The following TTC23 variants were observed in gnomAD, a reference collection of about 807,000 sequenced individuals.
TTC23 encodes tetratricopeptide repeat domain 23, also known as tetratricopeptide repeat protein 23.
Under a neutral mutation model 55.1 loss-of-function variants are expected in TTC23, and 58 were observed. The ratio of observed to expected loss-of-function variants is 1.05; its 90% CI spans 0.85 to 1.31. The LOEUF (loss-of-function observed/expected upper bound fraction) is 1.31, where lower values mean the gene tolerates loss of function less well. TTC23 is among the 50% of genes most tolerant of loss of function. TTC23 has a pLI of 0.00. For missense variants in TTC23, 516 were observed against 534.4 expected (o/e 0.97, Z 0.34); for synonymous variants, 203 against 199.9 (o/e 1.02, Z -0.13).
At chr15:99,169,247 G>C (rs2072580108) in intron 10 of TTC23, among the ~76,000 whole-genome samples, 1 of 152,172 alleles carries the variant, frequency 6.6e-6, no homozygotes, top group African/African-American at 2.4e-5. Flanking sequence ...GCCCTGAGAA[G>C]GGACAGAGGA....
At chr15:99,232,414 G>T (rs1349959259) in intron 4 of TTC23, among the ~76,000 whole-genome samples, 1 of 151,492 alleles carries the variant, frequency 6.6e-6, no homozygotes. Context: ...GGGAGGCGGA[G>T]GTTGCAGTGA....
intron 9 of TTC23, among the ~76,000 whole-genome samples, chr15:99,182,010 T>C (rs2074167941): frequency 6.6e-6 from 1 of 152,026 alleles, no homozygotes; most frequent in African/African-American, 2.4e-5. Context: ...TTATATTTTC[T>C]TCGTTTGGTT....
At position 99,146,967 on chromosome 15, in the gene TTC23, T is replaced by C. The variant is rs540607690; in HGVS notation, c.1144-7568A>G. Among the ~76,000 whole-genome samples, 12 of 152,154 alleles carry C rather than the reference T, an allele frequency of 7.9e-5. No homozygotes were observed. In the East Asian group the frequency reaches 2.3e-3, roughly 29 times the overall value. ...TCTCGCTCTGTTTCCCAGGCTGGAGTGCAGCGGTGTGGTCACGGCTCACTG... is the reference window on the plus strand; with the variant it reads ...TCTCGCTCTGTTTCCCAGGCTGGAGCGCAGCGGTGTGGTCACGGCTCACTG... On this transcript the variant is annotated intron_variant, in intron 12 of 13. Coordinates refer to ENST00000394132, the MANE Select transcript of TTC23 (RefSeq NM_001288615.3).
At chr15:99,161,147 CCTAT>C (rs1417382000) in intron 11 of TTC23, 1 of 147,652 alleles carries the variant, frequency 6.8e-6, no homozygotes, top group South Asian at 2.1e-4. Flanking sequence ...TATAATTGTT[CCTAT>C]CTGTGGGCGA....
intron 2 of TTC23, among the ~76,000 whole-genome samples, chr15:99,243,820 T>G (rs2080009692): frequency 6.6e-6 from 1 of 152,056 alleles, no homozygotes; most frequent in African/African-American, 2.4e-5. Flanking sequence ...TACCAGAAGC[T>G]GGGAAGGGTA....
intron 4 of TTC23, among the ~76,000 whole-genome samples, chr15:99,231,784 G>A (rs189128887): frequency 1.1e-3 from 163 of 151,840 alleles, no homozygotes; most frequent in Middle Eastern, 3.4e-3. Flanking sequence ...TAGCCACTGC[G>A]CCTGGCCTGT....
chr15:99,234,120 A>C (rs577950165), intron 4 of TTC23, among the ~76,000 whole-genome samples: 2 of 152,344 alleles, frequency 1.3e-5, no homozygotes, highest in South Asian at 4.1e-4. Flanking sequence ...GCATTAGGCA[A>C]AGCTTTCCTA....
chr15:99,137,908 G>C lies in TTC23; in HGVS notation c.*102C>G. The C allele has an allele frequency of 6.5e-7, 1 of 1,548,686 alleles. No individual in the cohort carries two copies. Among genetic ancestry groups the C allele is most frequent in the Non-Finnish European group, 8.8e-7 (1 of 1,138,746 alleles). On this transcript the variant is annotated 3_prime_UTR_variant, in exon 14 of 14. Transcript: ENST00000394132. The stretch of plus-strand genomic sequence containing the variant: ...GGCCAACAGTTGGCCTTGGAAATCT[G>C]TATCCTGACTGTTGAATTCCATTTT...
intron 5 of TTC23, among the ~76,000 whole-genome samples, chr15:99,226,441 T>A (rs1352786105): frequency 6.6e-6 from 1 of 152,162 alleles, no homozygotes. Flanking sequence ...AATGAGTGAA[T>A]CTTGTGCCTT....
intron 11 of TTC23, chr15:99,160,882 C>CG (rs1452084051): frequency 2.6e-5 from 4 of 151,676 alleles, no homozygotes; most frequent in Non-Finnish European, 5.9e-5. Flanking sequence ...GGCATGGTGG[C>CG]GGGGGCCTGT....
At chr15:99,218,512 C>G in intron 8 of TTC23, 76 bp downstream of exon 8, 1 of 1,591,842 alleles carries the variant, frequency 6.3e-7, no homozygotes, top group East Asian at 2.2e-5. Flanking sequence ...GGAGATGCTC[C>G]TCCTACCTGA....
At chr15:99,183,909 GC>G (rs2074413969) in intron 9 of TTC23, among the ~76,000 whole-genome samples, 1 of 152,050 alleles carries the variant, frequency 6.6e-6, no homozygotes, top group South Asian at 2.1e-4. Flanking sequence ...GATTTTGTGG[GC>G]CCAGGACCCC....
At chr15:99,166,962 A>T (rs1278294027) in intron 10 of TTC23, among the ~76,000 whole-genome samples, 2 of 152,178 alleles carry the variant, frequency 1.3e-5, no homozygotes, top group Non-Finnish European at 2.9e-5. Context: ...TTTATCTAGG[A>T]TACAAGAAAG....
intron 2 of TTC23, among the ~76,000 whole-genome samples, chr15:99,243,425 G>C (rs139392805): frequency 6.6e-6 from 1 of 152,280 alleles, no homozygotes; most frequent in East Asian, 1.9e-4. Context: ...CCACTGTGGA[G>C]AACAGTATGG....
chr15:99,206,437 C>G (rs2076635135), intron 8 of TTC23, among the ~76,000 whole-genome samples: 1 of 152,162 alleles, frequency 6.6e-6, no homozygotes, highest in African/African-American at 2.4e-5. Context: ...GCCATCAGAT[C>G]TTGGGCTTTT....
intron 9 of TTC23, among the ~76,000 whole-genome samples, chr15:99,196,025 G>A (rs1025628763): frequency 1.3e-5 from 2 of 151,684 alleles, no homozygotes; most frequent in African/African-American, 4.8e-5. Context: ...GGTGGCACAC[G>A]CCTGTAATCC....
intron 1 of TTC23, among the ~76,000 whole-genome samples, chr15:99,248,667 G>A (rs1020436005): frequency 6.6e-6 from 1 of 152,186 alleles, no homozygotes; most frequent in Non-Finnish European, 1.5e-5. Context: ...TAGTTTAAAT[G>A]TTCTGAGCCT....
rs2074486085 is a variant in TTC23 at position 99,184,595 on chromosome 15, C to T, written c.760-9440G>A. Among the ~76,000 whole-genome samples the T allele has an allele frequency of 2.6e-5, 4 of 152,098 alleles. 1 individual carries two copies. Among genetic ancestry groups the T allele is most frequent in the Admixed American group, 2.6e-4 (4 of 15,278 alleles). On this transcript the variant is annotated intron_variant, in intron 9 of 13. Coordinates refer to ENST00000394132, the MANE Select transcript of TTC23 (RefSeq NM_001288615.3). Reference sequence around the variant, plus strand: ...TCCCATTTTGAACGGGTGTATTTACCCAATATCTGTACCCCCACTGTATCT... The same window carrying T: ...TCCCATTTTGAACGGGTGTATTTACTCAATATCTGTACCCCCACTGTATCT...
At chr15:99,227,072 GT>G (rs1339603913) in intron 5 of TTC23, among the ~76,000 whole-genome samples, 2 of 152,228 alleles carry the variant, frequency 1.3e-5, no homozygotes, top group Non-Finnish European at 2.9e-5. Context: ...GCAGAAGTCT[GT>G]TTGAGAAAGG....
Sources: gnomAD v4.1 joint callset for allele counts (sites outside exome capture counted in the v4.1 genomes callset) on GRCh38, gnomAD v4.1.1 for gene constraint, MANE v1.5 for transcripts, NCBI Gene and HGNC (gene_info 2026-07-23, HGNC 2026-07-21) for gene names.